The following CHN2 variants were observed in gnomAD, a reference collection of about 807,000 sequenced individuals.
CHN2 encodes chimerin 2.
Under a neutral mutation model 56.3 loss-of-function variants are expected in CHN2, and 35 were observed. The observed-to-expected ratio is 0.62, with a 90% CI of 0.47 to 0.82. The LOEUF (loss-of-function observed/expected upper bound fraction) is 0.82. CHN2 is among the 40% of genes least tolerant of loss of function. The pLI is 0.00. For synonymous variants in CHN2, 210 were observed against 212.8 expected (o/e 0.99, Z 0.12); for missense variants, 491 against 580.5 (o/e 0.85, Z 1.58).
At chr7:29,493,729 A>G (rs1472995317) in intron 7 of CHN2, among the ~76,000 whole-genome samples, 1 of 151,970 alleles carries the variant, frequency 6.6e-6, no homozygotes, top group Non-Finnish European at 1.5e-5. Flanking sequence ...ATATACCTCA[A>G]ATTCTTCCAC....
intron 1 of CHN2, among the ~76,000 whole-genome samples, chr7:29,348,239 ATTCT>A (rs554978931): frequency 6.6e-6 from 1 of 152,260 alleles, no homozygotes; most frequent in Non-Finnish European, 1.5e-5. Context: ...TAATCCCAGA[ATTCT>A]TTGTTTTCCC....
chr7:29,472,289 A>ACACACACG (rs1786150927), intron 6 of CHN2, among the ~76,000 whole-genome samples: 1 of 150,384 alleles, frequency 6.6e-6, no homozygotes, highest in African/African-American at 2.5e-5. Flanking sequence ...ACACACACAC[A>ACACACACG]CACACACACG....
intron 3 of CHN2, among the ~76,000 whole-genome samples, chr7:29,375,638 C>G (rs1264422244): frequency 1.3e-5 from 2 of 152,236 alleles, no homozygotes; most frequent in South Asian, 2.1e-4. Context: ...CCATCCTCCT[C>G]TAGCCTATGA....
chr7:29,509,551 C>T (rs1791030126), intron 12 of CHN2, 145 bp downstream of exon 12: 1 of 613,468 alleles, frequency 1.6e-6, no homozygotes, highest in Non-Finnish European at 2.9e-6. Flanking sequence ...GTGTATCATC[C>T]CTATGAAAGG....
intron 6 of CHN2, among the ~76,000 whole-genome samples, chr7:29,444,771 G>C (rs1783914377): frequency 6.6e-6 from 1 of 152,198 alleles, no homozygotes; most frequent in African/African-American, 2.4e-5. Context: ...ATTTTTAGTA[G>C]CCATCTATGC....
chr7:29,508,955 G>A (rs1790947185), intron 11 of CHN2, among the ~76,000 whole-genome samples: 1 of 152,000 alleles, frequency 6.6e-6, no homozygotes, highest in South Asian at 2.1e-4. Flanking sequence ...ACTTGTGAGA[G>A]GGATATTTCT....
intron 6 of CHN2, among the ~76,000 whole-genome samples, chr7:29,442,428 C>A (rs1783713911): frequency 6.6e-6 from 1 of 152,112 alleles, no homozygotes; most frequent in African/African-American, 2.4e-5. Flanking sequence ...TGCATGGACA[C>A]CAGGGCTTTT....
At chr7:29,261,515 C>T (rs910890666) in intron 1 of CHN2, among the ~76,000 whole-genome samples, 14 of 152,326 alleles carry the variant, frequency 9.2e-5, no homozygotes, top group Non-Finnish European at 1.8e-4. Flanking sequence ...CTAGCCCACA[C>T]ACGTTGTCTG....
At chr7:29,327,909 A>G (rs1795934415) in intron 1 of CHN2, among the ~76,000 whole-genome samples, 1 of 152,204 alleles carries the variant, frequency 6.6e-6, no homozygotes, top group African/African-American at 2.4e-5. Flanking sequence ...TCAACCTTCC[A>G]GAGAAAATGG....
intron 1 of CHN2, among the ~76,000 whole-genome samples, chr7:29,211,367 C>T (rs1177260652): frequency 2.0e-5 from 3 of 151,722 alleles, no homozygotes; most frequent in East Asian, 1.9e-4. Context: ...CGTGAGCCAC[C>T]GCGCCCGGCC....
At chr7:29,479,947 T>C (rs1270642581) in intron 6 of CHN2, 1 of 1,444,716 alleles carries the variant, frequency 6.9e-7, no homozygotes, top group Non-Finnish European at 9.0e-7. Flanking sequence ...GCCCCCTCCA[T>C]CACTCAAACT....
intron 1 of CHN2, among the ~76,000 whole-genome samples, chr7:29,302,424 A>G (rs1323849980): frequency 6.6e-6 from 1 of 151,870 alleles, no homozygotes. Flanking sequence ...CCTGAGCTCA[A>G]GCGATCCTCC....
chr7:29,498,230 C>G (rs998432910), intron 8 of CHN2, among the ~76,000 whole-genome samples: 1 of 152,146 alleles, frequency 6.6e-6, no homozygotes, highest in African/African-American at 2.4e-5. Context: ...AGACACTATG[C>G]TAAACACTTT....
At chr7:29,263,795 G>A (rs1199361159) in intron 1 of CHN2, among the ~76,000 whole-genome samples, 9 of 144,846 alleles carry the variant, frequency 6.2e-5, no homozygotes, top group Admixed American at 1.4e-4. Context: ...GCCCGGCTGC[G>A]ACCCCGTCTG....
upstream of CHN2, among the ~76,000 whole-genome samples, chr7:29,190,644 A>G (rs769058068): frequency 1.1e-4 from 16 of 152,202 alleles, no homozygotes; most frequent in Non-Finnish European, 1.9e-4. Flanking sequence ...TTTTATTCTT[A>G]TGTTTCACCG....
intron 6 of CHN2, among the ~76,000 whole-genome samples, chr7:29,462,544 T>C (rs1785241126): frequency 1.3e-5 from 2 of 152,180 alleles, no homozygotes; most frequent in African/African-American, 4.8e-5. Flanking sequence ...CTGGGAAGAC[T>C]CTCACACACT....
intron 1 of CHN2, among the ~76,000 whole-genome samples, chr7:29,270,911 TATAATTCTC>T (rs1439622700): frequency 1.3e-5 from 2 of 152,174 alleles, no homozygotes; most frequent in African/African-American, 4.8e-5. Flanking sequence ...TATTTGCATT[TATAATTCTC>T]ATATTTTCCA....
intron 1 of CHN2, among the ~76,000 whole-genome samples, chr7:29,252,386 C>T (rs1788630517): frequency 6.6e-6 from 1 of 150,596 alleles, no homozygotes; most frequent in African/African-American, 2.4e-5. Flanking sequence ...GATGGAGTTT[C>T]ACCGTGTTAG....
intron 1 of CHN2, among the ~76,000 whole-genome samples, chr7:29,241,234 C>T (rs1787655179): frequency 6.6e-6 from 1 of 152,026 alleles, no homozygotes; most frequent in South Asian, 2.1e-4. Context: ...GTCCCATGGC[C>T]ATGAAAATTC....
Sources: allele counts gnomAD v4.1 joint callset (sites outside exome capture counted in the v4.1 genomes callset), GRCh38; gene constraint gnomAD v4.1.1; transcripts MANE v1.5; gene names NCBI Gene and HGNC (gene_info 2026-07-23, HGNC 2026-07-21).